LHFPL3: variants seen among roughly 807,000 people sequenced by gnomAD.
LHFPL3 encodes LHFPL tetraspan subfamily member 3, also known as LHFPL tetraspan subfamily member 3 protein.
A neutral mutation model predicts 19.3 loss-of-function variants in LHFPL3; 5 were observed. The ratio of observed to expected loss-of-function variants is 0.26; its 90% CI spans 0.14 to 0.54. LHFPL3 has a LOEUF of 0.54. LHFPL3 is among the 20% of genes least tolerant of loss of function. The pLI is 0.94. For missense variants in LHFPL3, 249 were observed against 307.4 expected, an observed-to-expected ratio of 0.81 and a Z score of 1.42; for synonymous variants, 133 against 126.2, an observed-to-expected ratio of 1.05 and a Z score of -0.36.
At chr7:104,654,347 G>A (rs1036740299) in intron 1 of LHFPL3, among the ~76,000 whole-genome samples, 4 of 152,092 alleles carry the variant, frequency 2.6e-5, no homozygotes, top group South Asian at 2.1e-4. Context: ...ACATATTTCC[G>A]TGACCAGAGG....
intron 1 of LHFPL3, among the ~76,000 whole-genome samples, chr7:104,367,677 A>G (rs1257789649): frequency 6.6e-6 from 1 of 152,206 alleles, no homozygotes; most frequent in Non-Finnish European, 1.5e-5. Flanking sequence ...TATTCACATA[A>G]TATTAGAAAA....
chr7:104,896,667 G>C (rs1426504038), intron 2 of LHFPL3, among the ~76,000 whole-genome samples: 1 of 152,222 alleles, frequency 6.6e-6, no homozygotes, highest in Non-Finnish European at 1.5e-5. Context: ...CACATCCAGG[G>C]TGCTGGAGTG....
intron 1 of LHFPL3, among the ~76,000 whole-genome samples, chr7:104,714,233 T>G (rs925456389): frequency 1.3e-5 from 2 of 152,230 alleles, no homozygotes; most frequent in African/African-American, 4.8e-5. Flanking sequence ...GTTGTTTTGT[T>G]TTTGATACCT....
chr7:104,842,290 G>C (rs781276813), intron 2 of LHFPL3, among the ~76,000 whole-genome samples: 1 of 144,942 alleles, frequency 6.9e-6, no homozygotes, highest in Non-Finnish European at 1.5e-5. Context: ...AACCTTTTGC[G>C]GGGGTGGGGG....
At chr7:104,810,139 T>C (rs1221997291) in intron 2 of LHFPL3, among the ~76,000 whole-genome samples, 2 of 152,188 alleles carry the variant, frequency 1.3e-5, no homozygotes, top group Non-Finnish European at 2.9e-5. Flanking sequence ...ATGGGCACAG[T>C]GCTTCCTAAC....
rs574642446 is a variant in LHFPL3, at chr7:104,482,621, A to G, written c.445+153397A>G. ...GTCATTTTTCACAAATGGAACTAAAAGAAGATACTGCCTTTCTCGGTTTTG... is the reference window on the plus strand; with the variant it reads ...GTCATTTTTCACAAATGGAACTAAAGGAAGATACTGCCTTTCTCGGTTTTG... On this transcript the variant is annotated intron_variant, in intron 1 of 2. Coordinates refer to ENST00000424859, the MANE Select transcript of LHFPL3 (RefSeq NM_199000.3). Among the ~76,000 whole-genome samples the G allele has an allele frequency of 3.9e-5, 6 of 152,366 alleles. 1 individual carries two copies. Among genetic ancestry groups the G allele is most frequent in the Admixed American group, 3.9e-4 (6 of 15,310 alleles).
At chr7:104,695,733 A>G (rs2116153269) in intron 1 of LHFPL3, among the ~76,000 whole-genome samples, 1 of 152,328 alleles carries the variant, frequency 6.6e-6, no homozygotes, top group Middle Eastern at 3.4e-3. Flanking sequence ...ATAGCAATAC[A>G]TTTGCTAAAT....
chr7:104,788,037 G>A (rs1249042332), intron 2 of LHFPL3, among the ~76,000 whole-genome samples: 1 of 152,182 alleles, frequency 6.6e-6, no homozygotes. Context: ...TTTAAACCCT[G>A]TGCATCACAA....
chr7:104,691,727 G>T (rs1213297178), intron 1 of LHFPL3, among the ~76,000 whole-genome samples: 1 of 152,210 alleles, frequency 6.6e-6, no homozygotes, highest in East Asian at 1.9e-4. Flanking sequence ...AAAAACTGAA[G>T]ATATTTCTAT....
At chr7:104,383,142 T>C (rs767854033) in intron 1 of LHFPL3, among the ~76,000 whole-genome samples, 3 of 152,252 alleles carry the variant, frequency 2.0e-5, no homozygotes, top group Non-Finnish European at 4.4e-5. Context: ...GAGATTTTTG[T>C]CAGAATCGTT....
chr7:104,735,666 A>C (rs1185833757), intron 1 of LHFPL3, among the ~76,000 whole-genome samples: 1 of 152,230 alleles, frequency 6.6e-6, no homozygotes, highest in Non-Finnish European at 1.5e-5. Context: ...TGCACTTCCC[A>C]GGTGAGGCAA....
At position 104,880,236 on chromosome 7, in the gene LHFPL3, C is replaced by G. The variant is rs867100893; in HGVS notation, c.683-25951C>G. 1.1e-4 allele frequency among the ~76,000 whole-genome samples: 17 copies of G among 152,154 alleles called. 1 individual carries two copies. The highest frequency in any genetic ancestry group is 3.4e-3 in the Middle Eastern group (1 of 294). Reference sequence around the variant, plus strand: ...AATGAGTGAGTTCTTGCTCTAAGTTCACATGAGATCTGGTTGTTTAAAAGA... The same window carrying G: ...AATGAGTGAGTTCTTGCTCTAAGTTGACATGAGATCTGGTTGTTTAAAAGA... On this transcript the variant is annotated intron_variant, in intron 2 of 2. Transcript: ENST00000424859.
At chr7:104,849,119 T>TG (rs1791368331) in intron 2 of LHFPL3, among the ~76,000 whole-genome samples, 1 of 152,084 alleles carries the variant, frequency 6.6e-6, no homozygotes, top group Non-Finnish European at 1.5e-5. Flanking sequence ...TTAGTAGAGT[T>TG]GGGGTTTCAC....
chr7:104,573,874 CT>C (rs1002486516), intron 1 of LHFPL3, among the ~76,000 whole-genome samples: 5 of 152,314 alleles, frequency 3.3e-5, no homozygotes, highest in Admixed American at 1.3e-4. Flanking sequence ...AAGCTTTCTC[CT>C]TTGTCTTTGT....
chr7:104,591,524 C>G (rs191513789), intron 1 of LHFPL3, among the ~76,000 whole-genome samples: 69 of 152,286 alleles, frequency 4.5e-4, no homozygotes, highest in Middle Eastern at 3.4e-3. Flanking sequence ...GTAACCCGAC[C>G]TTTCTCTCTG....
intron 1 of LHFPL3, among the ~76,000 whole-genome samples, chr7:104,697,625 G>A (rs1793022791): frequency 6.6e-6 from 1 of 152,182 alleles, no homozygotes; most frequent in Non-Finnish European, 1.5e-5. Context: ...AAAATAACAA[G>A]TGGTGTATTT....
chr7:104,749,222 T>C (rs1336617480), intron 2 of LHFPL3, among the ~76,000 whole-genome samples: 2 of 152,268 alleles, frequency 1.3e-5, no homozygotes, highest in African/African-American at 4.8e-5. Flanking sequence ...TTGGATCTTA[T>C]CAGATGCTAT....
At chr7:104,593,853 C>T (rs1257460782) in intron 1 of LHFPL3, among the ~76,000 whole-genome samples, 1 of 150,880 alleles carries the variant, frequency 6.6e-6, no homozygotes, top group Non-Finnish European at 1.5e-5. Context: ...TTATCAGATA[C>T]TAGGATTGCG....
intron 1 of LHFPL3, among the ~76,000 whole-genome samples, chr7:104,370,493 C>T (rs1257678555): frequency 2.0e-5 from 3 of 152,084 alleles, no homozygotes; most frequent in African/African-American, 7.2e-5. Context: ...CCAGCCCCAG[C>T]ATCGAAAAAG....
Sources: allele counts gnomAD v4.1 joint callset (sites outside exome capture counted in the v4.1 genomes callset), GRCh38; gene constraint gnomAD v4.1.1; transcripts MANE v1.5; gene names NCBI Gene and HGNC (gene_info 2026-07-23, HGNC 2026-07-21).